The following WDR77 variants were observed in gnomAD, a reference collection of about 807,000 sequenced individuals.
WDR77 encodes the protein methylosome protein WDR77.
In WDR77, 31 loss-of-function variants were observed where a neutral mutation model predicts 44.0. The ratio of observed to expected loss-of-function variants is 0.70; its 90% CI spans 0.53 to 0.95. The LOEUF (loss-of-function observed/expected upper bound fraction) is 0.95. Ranked by LOEUF, WDR77 falls within the 40% of genes least tolerant of loss-of-function variation. The pLI, the probability that WDR77 is intolerant of heterozygous loss-of-function variation, is 0.00. For missense variants in WDR77, 390 were observed against 423.9 expected (o/e 0.92, Z 0.70); for synonymous variants, 186 against 165.7 (o/e 1.12, Z -0.94).
At position 111,443,851 on chromosome 1, in the gene WDR77, T is replaced by C. The variant is rs1557793165; in HGVS notation, c.619+16A>G. ...GTTCCAAGTACTATTCTCCCACCAATGAATCTCAGACTCACCAATCTGTGA... is the reference window on the plus strand; with the variant it reads ...GTTCCAAGTACTATTCTCCCACCAACGAATCTCAGACTCACCAATCTGTGA... On this transcript the variant is annotated intron_variant, in intron 6 of 9. Transcript: ENST00000235090. 2 of 1,614,054 alleles carry C rather than the reference T, an allele frequency of 1.2e-6. No homozygotes were observed. The highest frequency in any genetic ancestry group is 8.5e-7 in the Non-Finnish European group (1 of 1,179,920).
chr1:111,446,910 A>T (rs533650921), intron 4 of WDR77, 185 bp downstream of exon 4: 2 of 557,940 alleles, frequency 3.6e-6, no homozygotes, highest in Admixed American at 3.4e-5. Flanking sequence ...TAGTCGAATT[A>T]AAAAAAAAGA....
At chr1:111,444,000 C>T in intron 5 of WDR77, 54 bp downstream of exon 5, 1 of 1,613,388 alleles carries the variant, frequency 6.2e-7, no homozygotes, top group Non-Finnish European at 8.5e-7. Flanking sequence ...CCACTAGAGA[C>T]TTTGGCCTAT....
intron 7 of WDR77, 120 bp downstream of exon 7, chr1:111,443,203 A>T: frequency 1.1e-6 from 1 of 887,888 alleles, no homozygotes; most frequent in Non-Finnish European, 1.7e-6. Flanking sequence ...TTCATAATTC[A>T]TCTAGTGTCC....
chr1:111,445,986 T>G (rs2101746019), intron 4 of WDR77, among the ~76,000 whole-genome samples: 2 of 152,254 alleles, frequency 1.3e-5, no homozygotes, highest in South Asian at 4.1e-4. Context: ...GCCAGACTAG[T>G]CTCTGACTCC....
intron 3 of WDR77, 105 bp downstream of exon 3, chr1:111,447,330 C>A: frequency 1.3e-6 from 2 of 1,543,604 alleles, no homozygotes; most frequent in South Asian, 2.4e-5. Context: ...AAATAAGTCA[C>A]TGGATTCTTA....
At chr1:111,443,753 A>G in intron 6 of WDR77, 114 bp downstream of exon 6, 1 of 1,550,850 alleles carries the variant, frequency 6.4e-7, no homozygotes, top group African/African-American at 1.4e-5. Context: ...TATGTCACTC[A>G]TGTCACAGTA....
chr1:111,440,400 G>C lies in WDR77; in HGVS notation c.*830C>G, dbSNP rs921123774. On this transcript the variant is annotated 3_prime_UTR_variant, in exon 10 of 10. Coordinates refer to ENST00000235090, the MANE Select transcript of WDR77 (RefSeq NM_024102.4). ...TTCCACATCAAGAGAAAGGGGACCAGGGCAGAAGATGTCAGGCCCCATGCT... is the reference window on the plus strand; with the variant it reads ...TTCCACATCAAGAGAAAGGGGACCACGGCAGAAGATGTCAGGCCCCATGCT... 1 of 152,220 alleles carries C rather than the reference G, an allele frequency of 6.6e-6. No homozygotes were observed. Among genetic ancestry groups the C allele is most frequent in the African/African-American group, 2.4e-5 (1 of 41,450 alleles). The allele number at this position is 152,220 out of a possible 1,614,324, so 9.4% of individuals were successfully genotyped here. A position where few individuals can be genotyped will look rare whatever the true frequency, so the allele number is the denominator to read the frequency against.
Position 111,448,782 on chromosome 1 carries a change from G to A in WDR77, c.138C>T (p.Ala46=). Residue 46 remains alanine, a synonymous_variant, in exon 2 of 10, where the codon GCC becomes GCT. Transcript: ENST00000235090. ...CCCAGCAGCGCCCACTCAGGCTGGA[G>A]GCCCCGAGGAGAAGCGCCCCATCTA... The part of the protein sequence containing the change: ...YRSDGALLLG[A]SSLSGRCWAG... The A allele has an allele frequency of 5.0e-6, 8 of 1,593,482 alleles. No homozygotes were observed. The highest frequency in any genetic ancestry group is 6.8e-6 in the Non-Finnish European group (8 of 1,169,290).
intron 3 of WDR77, 96 bp downstream of exon 3, chr1:111,447,339 T>C (rs1308257467): frequency 5.8e-6 from 9 of 1,562,036 alleles, no homozygotes; most frequent in Non-Finnish European, 7.8e-6. Context: ...ACTGGATTCT[T>C]AGAATAAGCC....
At chr1:111,443,573 C>T (rs1013134994) in intron 6 of WDR77, 179 bp from the exon 7 acceptor site, 4 of 895,792 alleles carry the variant, frequency 4.5e-6, no homozygotes, top group Non-Finnish European at 5.3e-6. Context: ...CCTGCCCTTT[C>T]TGGACACGAG....
At chr1:111,443,438 G>A (rs1652895773) in intron 6 of WDR77, 44 bp from the exon 7 acceptor site, 2 of 1,523,328 alleles carry the variant, frequency 1.3e-6, no homozygotes, top group African/African-American at 1.4e-5. Context: ...TCAGAGTACA[G>A]AAGAAGCAGT....
chr1:111,448,592 G>A, intron 2 of WDR77, 27 bp downstream of exon 2: 8 of 1,613,256 alleles, frequency 5.0e-6, no homozygotes, highest in South Asian at 1.1e-5. Flanking sequence ...CCCGGGGGTG[G>A]GGGTGGATAA....
rs780924413 is a variant in WDR77 at position 111,441,247 on chromosome 1, C to T, written c.1012G>A (p.Ala338Thr). The T allele has an allele frequency of 1.1e-5, 17 of 1,551,136 alleles. No individual in the cohort carries two copies. The South Asian group carries it at 1.7e-4, about 16-fold the overall frequency. The change falls in exon 10 of 10, where the codon GCA becomes ACA. Residue 338 changes from alanine (A) to threonine (T), a missense_variant. By Grantham distance (58) the Ala-to-Thr change is moderately conservative (BLOSUM62 0). Coordinates refer to ENST00000235090, the MANE Select transcript of WDR77 (RefSeq NM_024102.4). Reference protein sequence around the residue: ...PTEPLPAPGPASVTE With the variant: ...PTEPLPAPGPTSVTE ...AATCCAATCTACTCAGTAACACTTG[C>T]AGGTCCAGGGGCTGGGAGAGGTTCT...
chr1:111,446,835 TTCAG>T (rs925924999), intron 4 of WDR77: 1 of 403,956 alleles, frequency 2.5e-6, no homozygotes, highest in African/African-American at 2.1e-5. Context: ...CAGTTGATTG[TTCAG>T]TCAGTTACAG....
At position 111,442,017 on chromosome 1, in the gene WDR77, A is replaced by C; in HGVS notation, c.869+8T>G. ...CCTGATTCCCAAAGGATTCCACTTC[A>C]CACTTACAACTCAGAAAGGCTTGAG... On this transcript the variant is annotated splice_region_variant and intron_variant, in intron 9 of 9. Coordinates refer to ENST00000235090, the MANE Select transcript of WDR77 (RefSeq NM_024102.4). 3.1e-6 allele frequency: 5 copies of C among 1,613,482 alleles called. No individual in the cohort carries two copies. The highest frequency in any genetic ancestry group is 3.4e-6 in the Non-Finnish European group (4 of 1,179,562).
intron 9 of WDR77, 87 bp downstream of exon 9, chr1:111,441,938 C>T: frequency 4.7e-6 from 6 of 1,286,680 alleles, no homozygotes; most frequent in Non-Finnish European, 5.6e-6. Context: ...TCTCCAAAAG[C>T]ACAACACAGT....
rs1038041454 is a variant in WDR77, at chr1:111,440,495, C to G, written c.*735G>C. The G allele has an allele frequency of 6.6e-6, 1 of 152,190 alleles. No homozygotes were observed. Among genetic ancestry groups the G allele is most frequent in the Non-Finnish European group, 1.5e-5 (1 of 68,058 alleles). 9.4% of individuals were successfully genotyped at this position (152,190 alleles called of 1,614,324 possible). On this transcript the variant is annotated 3_prime_UTR_variant, in exon 10 of 10. Coordinates refer to ENST00000235090, the MANE Select transcript of WDR77 (RefSeq NM_024102.4). ...TCAGTTTTCTAACTTAATTGAAACA[C>G]CTTTAAGCTCTCCTTCATCCCCAAA...
At chr1:111,443,477 G>A (rs1256476302) in intron 6 of WDR77, 83 bp from the exon 7 acceptor site, 1 of 1,407,378 alleles carries the variant, frequency 7.1e-7, no homozygotes, top group Non-Finnish European at 9.8e-7. Flanking sequence ...CTAAATCCTG[G>A]GAGCACCTTT....
At chr1:111,446,860 T>C (rs1653053966) in intron 4 of WDR77, 1 of 510,502 alleles carries the variant, frequency 2.0e-6, no homozygotes. Context: ...ATTAAACTCC[T>C]TGTTCTATTC....
Sources: allele counts gnomAD v4.1 joint callset (sites outside exome capture counted in the v4.1 genomes callset), GRCh38; gene constraint gnomAD v4.1.1; transcripts MANE v1.5; gene names NCBI Gene and HGNC (gene_info 2026-07-23, HGNC 2026-07-21).